Variants in SLC4A10 observed in about 807,000 individuals in gnomAD.
SLC4A10 encodes the protein solute carrier family 4 member 10.
In SLC4A10, 42 loss-of-function variants were observed where a neutral mutation model predicts 137.7. That is an observed-to-expected ratio of 0.30 (90% CI 0.24 to 0.39). The LOEUF (loss-of-function observed/expected upper bound fraction) is 0.39. SLC4A10 is among the 10% of genes least tolerant of loss of function. The probability of loss-of-function intolerance (pLI) is 1.00; values close to 1 mark genes in which losing one functional copy is unlikely to be tolerated. For missense variants in SLC4A10, 925 were observed against 1,355.0 expected (o/e 0.68, Z 4.98); for synonymous variants, 474 against 464.1 (o/e 1.02, Z -0.27).
At chr2:161,711,658 T>G (rs2044301349) in intron 1 of SLC4A10, among the ~76,000 whole-genome samples, 1 of 151,744 alleles carries the variant, frequency 6.6e-6, no homozygotes, top group African/African-American at 2.4e-5. Flanking sequence ...AAGTGCCTGT[T>G]TCCTTGTATT....
At chr2:161,863,815 G>A (rs764153943) in intron 6 of SLC4A10, among the ~76,000 whole-genome samples, 1 of 152,136 alleles carries the variant, frequency 6.6e-6, no homozygotes, top group Non-Finnish European at 1.5e-5. Context: ...GGAATCTCCT[G>A]TTATCATCCA....
intron 3 of SLC4A10, among the ~76,000 whole-genome samples, chr2:161,806,747 G>A (rs757669564): frequency 5.3e-5 from 8 of 152,118 alleles, no homozygotes; most frequent in East Asian, 1.9e-4. Flanking sequence ...CATTCAACAC[G>A]TCACTAGGAA....
chr2:161,672,439 G>A (rs2039835435), intron 1 of SLC4A10, among the ~76,000 whole-genome samples: 1 of 152,084 alleles, frequency 6.6e-6, no homozygotes, highest in Non-Finnish European at 1.5e-5. Context: ...GGAGGCTGAG[G>A]TGGGAGAATC....
At chr2:161,665,354 A>G (rs1421512292) in intron 1 of SLC4A10, among the ~76,000 whole-genome samples, 1 of 151,842 alleles carries the variant, frequency 6.6e-6, no homozygotes, top group African/African-American at 2.4e-5. Context: ...ATGGAATAAT[A>G]TTTTGATTGG....
At position 161,769,562 on chromosome 2, in the gene SLC4A10, T is replaced by C. The variant is rs539851556; in HGVS notation, c.49-1411T>C. On this transcript the variant is annotated intron_variant, in intron 1 of 26. Transcript: ENST00000446997. Reference sequence around the variant, plus strand: ...GTTTTGCTTGATTAGATTTTGACTTTAGCATTTTCCTTATATGTTCCCCTC... The same window carrying C: ...GTTTTGCTTGATTAGATTTTGACTTCAGCATTTTCCTTATATGTTCCCCTC... Among the ~76,000 whole-genome samples, 289 of 152,054 alleles carry C rather than the reference T, an allele frequency of 1.9e-3. 1 individual carries two copies. The highest frequency in any genetic ancestry group is 6.6e-3 in the African/African-American group (274 of 41,528).
At chr2:161,769,293 A>G (rs778035769) in intron 1 of SLC4A10, among the ~76,000 whole-genome samples, 9 of 151,838 alleles carry the variant, frequency 5.9e-5, no homozygotes, top group Non-Finnish European at 7.4e-5. Context: ...CCATTCCCAC[A>G]TATGTTTCCT....
chr2:161,811,072 T>G (rs974218933), intron 3 of SLC4A10, among the ~76,000 whole-genome samples: 6 of 152,212 alleles, frequency 3.9e-5, no homozygotes, highest in African/African-American at 1.2e-4. Context: ...ATTCATGTTT[T>G]CACATTATCC....
intron 1 of SLC4A10, among the ~76,000 whole-genome samples, chr2:161,698,427 G>C (rs1034335649): frequency 6.6e-6 from 1 of 152,200 alleles, no homozygotes; most frequent in African/African-American, 2.4e-5. Flanking sequence ...CATTCAGCAT[G>C]ATATTGGCTG....
chr2:161,755,049 G>A (rs989895670), intron 1 of SLC4A10, among the ~76,000 whole-genome samples: 4 of 151,982 alleles, frequency 2.6e-5, no homozygotes, highest in South Asian at 2.1e-4. Context: ...TCTTTTTAGT[G>A]TTCATTAGAT....
chr2:161,696,625 G>C (rs1250129859), intron 1 of SLC4A10, among the ~76,000 whole-genome samples: 1 of 151,240 alleles, frequency 6.6e-6, no homozygotes, highest in African/African-American at 2.4e-5. Context: ...TCTCTACAAA[G>C]GACATGAACT....
At chr2:161,963,795 T>C (rs2105908351) in intron 21 of SLC4A10, among the ~76,000 whole-genome samples, 1 of 152,208 alleles carries the variant, frequency 6.6e-6, no homozygotes, top group Non-Finnish European at 1.5e-5. Flanking sequence ...AAGGAAGAGA[T>C]TGTGTTGTGA....
intron 4 of SLC4A10, among the ~76,000 whole-genome samples, chr2:161,850,236 A>C (rs939361672): frequency 6.6e-6 from 1 of 151,972 alleles, no homozygotes; most frequent in African/African-American, 2.4e-5. Flanking sequence ...CTAAAAATAC[A>C]AAAAAATTAG....
chr2:161,949,812 C>T (rs1694475333), intron 18 of SLC4A10, among the ~76,000 whole-genome samples: 2 of 151,438 alleles, frequency 1.3e-5, no homozygotes, highest in Admixed American at 1.3e-4. Context: ...TCATATATAC[C>T]TTATACATAT....
At chr2:161,966,279 T>C (rs986626346) in intron 23 of SLC4A10, among the ~76,000 whole-genome samples, 1 of 152,212 alleles carries the variant, frequency 6.6e-6, no homozygotes, top group Non-Finnish European at 1.5e-5. Flanking sequence ...AGATTCATCA[T>C]GATGATGTGT....
chr2:161,982,031 GA>G (rs1435087513), intron 26 of SLC4A10, among the ~76,000 whole-genome samples: 6 of 152,234 alleles, frequency 3.9e-5, no homozygotes, highest in Admixed American at 1.3e-4. Context: ...TGACCACTTA[GA>G]AAGTTGTACA....
At chr2:161,789,212 A>T (rs1381882775) in intron 2 of SLC4A10, among the ~76,000 whole-genome samples, 1 of 152,170 alleles carries the variant, frequency 6.6e-6, no homozygotes, top group Non-Finnish European at 1.5e-5. Context: ...AATTGCCACC[A>T]ACTGCATTGC....
intron 19 of SLC4A10, among the ~76,000 whole-genome samples, chr2:161,951,403 G>A (rs1255857273): frequency 2.0e-5 from 3 of 152,116 alleles, no homozygotes; most frequent in Non-Finnish European, 4.4e-5. Flanking sequence ...AACTATAGAT[G>A]TGTCTTAGTT....
At chr2:161,937,823 A>G (rs376543604) in intron 15 of SLC4A10, among the ~76,000 whole-genome samples, 1 of 152,146 alleles carries the variant, frequency 6.6e-6, no homozygotes, top group Non-Finnish European at 1.5e-5. Flanking sequence ...TCCCCTGAAA[A>G]CATAGCCTAA....
chr2:161,976,679 C>T (rs1370633735), intron 24 of SLC4A10, 81 bp from the exon 25 acceptor site: 2 of 607,168 alleles, frequency 3.3e-6, no homozygotes, highest in South Asian at 3.3e-5. Flanking sequence ...ATATGATTGC[C>T]CTATATTTAG....
Sources: allele counts gnomAD v4.1 joint callset (sites outside exome capture counted in the v4.1 genomes callset), GRCh38; gene constraint gnomAD v4.1.1; transcripts MANE v1.5; gene names NCBI Gene and HGNC (gene_info 2026-07-23, HGNC 2026-07-21).